Variants in GAS2 observed in about 807,000 individuals in gnomAD.
GAS2 encodes growth arrest specific 2.
Under a neutral mutation model 37.5 loss-of-function variants are expected in GAS2, and 20 were observed. The observed-to-expected ratio is 0.53, with a 90% CI of 0.37 to 0.77. GAS2 has a LOEUF of 0.77. Ranked by LOEUF, GAS2 falls within the 30% of genes least tolerant of loss-of-function variation. GAS2 has a pLI of 0.00. For missense variants in GAS2, 336 were observed against 373.4 expected (o/e 0.90, Z 0.82); for synonymous variants, 144 against 132.2 (o/e 1.09, Z -0.61).
At chr11:22,704,667 T>C (rs1287955433) in intron 3 of GAS2, among the ~76,000 whole-genome samples, 1 of 140,888 alleles carries the variant, frequency 7.1e-6, no homozygotes, top group African/African-American at 2.7e-5. Flanking sequence ...AAAGAACCCT[T>C]TCTTGTAGTA....
intron 7 of GAS2, among the ~76,000 whole-genome samples, chr11:22,773,491 T>C (rs1184951434): frequency 6.7e-6 from 1 of 149,392 alleles, no homozygotes; most frequent in Admixed American, 6.8e-5. Flanking sequence ...CCTCCCGGAT[T>C]CACGCCATTC....
rs189018643 is a variant in GAS2, at chr11:22,788,999, T to C, written c.724-22799T>C. On this transcript the variant is annotated intron_variant, in intron 7 of 7. Transcript: ENST00000454584. ...ATTTAATAGATATTTTAAATCCCTC[T>C]ATGTGCCAGGAATTGTGGCAATCAC... 2.5e-3 allele frequency among the ~76,000 whole-genome samples: 381 copies of C among 152,054 alleles called. 3 individuals are homozygous for C. Among genetic ancestry groups the C allele is most frequent in the African/African-American group, 8.0e-3 (333 of 41,504 alleles).
In GAS2 at chr11:22,749,227, GA is replaced by G; in HGVS notation, c.587del (p.Lys196ArgfsTer11). ...PSPSPSSKSS[G>X]KKSTGNLLDD... ...CCTTCTCCTTCATCAAAGTCTTCTGGAAAAAAGAGTACAGGAAACTTACTGG... is the reference window on the plus strand; with the variant it reads ...CCTTCTCCTTCATCAAAGTCTTCTGGAAAAAGAGTACAGGAAACTTACTGG... On this transcript the variant is annotated frameshift_variant, in exon 6 of 8. Coordinates refer to ENST00000454584, the MANE Select transcript of GAS2 (RefSeq NM_001143830.3). LOFTEE classifies it high-confidence loss of function. 1 of 1,611,008 alleles carries G rather than the reference GA, an allele frequency of 6.2e-7. No homozygotes were observed. The highest frequency in any genetic ancestry group is 8.5e-7 in the Non-Finnish European group (1 of 1,178,730).
chr11:22,640,953 A>C (rs2133817361), intron 1 of GAS2, among the ~76,000 whole-genome samples: 1 of 151,896 alleles, frequency 6.6e-6, no homozygotes, highest in Middle Eastern at 3.4e-3. Flanking sequence ...GGAGAAAGTA[A>C]GTTAGTTAAT....
intron 7 of GAS2, among the ~76,000 whole-genome samples, chr11:22,804,663 G>A (rs1856808952): frequency 6.6e-6 from 1 of 152,046 alleles, no homozygotes; most frequent in South Asian, 2.1e-4. Flanking sequence ...AATTGAACTT[G>A]GACAGGAGAA....
At chr11:22,792,704 C>T (rs1225736838) in intron 7 of GAS2, among the ~76,000 whole-genome samples, 2 of 152,184 alleles carry the variant, frequency 1.3e-5, no homozygotes, top group African/African-American at 4.8e-5. Flanking sequence ...TGGGTGGCCC[C>T]ATGGAACAAT....
At chr11:22,808,086 G>A (rs1856978610) in intron 7 of GAS2, among the ~76,000 whole-genome samples, 1 of 152,176 alleles carries the variant, frequency 6.6e-6, no homozygotes, top group Non-Finnish European at 1.5e-5. Flanking sequence ...AAAAGGATGA[G>A]ATAATCTCAT....
At chr11:22,656,786 ATG>A (rs148171455) in intron 1 of GAS2, among the ~76,000 whole-genome samples, 33 of 150,164 alleles carry the variant, frequency 2.2e-4, no homozygotes, top group South Asian at 6.3e-4. Context: ...GTTTGTCATG[ATG>A]TGTGTGTGTG....
chr11:22,799,903 T>C (rs936107867), intron 7 of GAS2, among the ~76,000 whole-genome samples: 6 of 152,068 alleles, frequency 3.9e-5, no homozygotes, highest in Admixed American at 1.3e-4. Context: ...TGCCTGCCAC[T>C]CAACAAATAT....
chr11:22,708,461 C>A lies in GAS2; in HGVS notation c.268-17831C>A, dbSNP rs144287449. 1.1e-4 allele frequency among the ~76,000 whole-genome samples: 16 copies of A among 152,188 alleles called. No homozygotes were observed. In the East Asian group the frequency reaches 3.1e-3, roughly 29 times the overall value. ...GTTTAATCTTATATAACCCTCATAG[C>A]AACGTCATGATGTAGTTGCTATTAT... On this transcript the variant is annotated intron_variant, in intron 3 of 7. Coordinates refer to ENST00000454584, the MANE Select transcript of GAS2 (RefSeq NM_001143830.3).
chr11:22,653,226 G>C (rs909155518), intron 1 of GAS2, among the ~76,000 whole-genome samples: 12 of 151,550 alleles, frequency 7.9e-5, no homozygotes, highest in African/African-American at 2.9e-4. Flanking sequence ...CGACATTGCA[G>C]AATACAAATA....
chr11:22,792,148 C>T (rs1856195804), intron 7 of GAS2, among the ~76,000 whole-genome samples: 1 of 152,024 alleles, frequency 6.6e-6, no homozygotes, highest in Admixed American at 6.5e-5. Context: ...AGATTTGTGC[C>T]ATAGTTTGTC....
chr11:22,799,161 C>T (rs1014378076), intron 7 of GAS2, among the ~76,000 whole-genome samples: 3 of 151,930 alleles, frequency 2.0e-5, no homozygotes, highest in Admixed American at 6.6e-5. Context: ...GATACCATTG[C>T]CTCTTAAAAG....
intron 7 of GAS2, among the ~76,000 whole-genome samples, chr11:22,796,282 C>A (rs1856425148): frequency 6.6e-6 from 1 of 152,080 alleles, no homozygotes; most frequent in African/African-American, 2.4e-5. Context: ...GATGGAGGTA[C>A]CTGGTGATTC....
At chr11:22,763,746 T>A (rs11026776) in intron 7 of GAS2, among the ~76,000 whole-genome samples, 1 of 152,136 alleles carries the variant, frequency 6.6e-6, no homozygotes, top group Non-Finnish European at 1.5e-5. Flanking sequence ...GGGGAAAATA[T>A]GGCCGTGTTT....
chr11:22,720,202 G>A (rs894079358), intron 3 of GAS2, among the ~76,000 whole-genome samples: 7 of 151,966 alleles, frequency 4.6e-5, no homozygotes, highest in African/African-American at 1.4e-4. Flanking sequence ...TGGCATTACA[G>A]CATGAATATT....
At chr11:22,660,987 G>A (rs950430452) in intron 1 of GAS2, among the ~76,000 whole-genome samples, 2 of 152,276 alleles carry the variant, frequency 1.3e-5, no homozygotes, top group Admixed American at 6.5e-5. Context: ...AAAATATTCC[G>A]TATTTGTGAA....
chr11:22,726,465 A>G (rs2134166634), intron 4 of GAS2, 32 bp downstream of exon 4: 1 of 1,579,198 alleles, frequency 6.3e-7, no homozygotes, highest in Non-Finnish European at 8.6e-7. Context: ...TTAGTTGATA[A>G]GATACGCAAA....
chr11:22,649,838 A>G (rs924223414), intron 1 of GAS2, among the ~76,000 whole-genome samples: 23 of 151,656 alleles, frequency 1.5e-4, no homozygotes, highest in Non-Finnish European at 2.5e-4. Flanking sequence ...CTAGTGGTCT[A>G]TCAATTTTGT....
Sources: gnomAD v4.1 joint callset for allele counts (sites outside exome capture counted in the v4.1 genomes callset) on GRCh38, gnomAD v4.1.1 for gene constraint, MANE v1.5 for transcripts, NCBI Gene and HGNC (gene_info 2026-07-23, HGNC 2026-07-21) for gene names.